Variants in EYS observed in about 807,000 individuals in gnomAD.
EYS encodes the protein EGF-like photoreceptor maintenance factor, also known as protein eyes shut homolog.
EYS carries 250 observed loss-of-function variants against 282.1 expected under a neutral mutation model. The observed-to-expected ratio is 0.89, with a 90% CI of 0.80 to 0.98. EYS has a LOEUF of 0.98. EYS is among the 50% of genes least tolerant of loss of function. The pLI, the probability that EYS is intolerant of heterozygous loss-of-function variation, is 0.00. For missense variants in EYS, 4,016 were observed against 3,709.0 expected, an observed-to-expected ratio of 1.08 and a Z score of -2.15; for synonymous variants, 1,355 against 1,282.9, an observed-to-expected ratio of 1.06 and a Z score of -1.20.
intron 28 of EYS, among the ~76,000 whole-genome samples, chr6:64,419,653 A>C (rs1436102974): frequency 6.6e-6 from 1 of 152,214 alleles, no homozygotes; most frequent in Non-Finnish European, 1.5e-5. Context: ...AAAATCCAAC[A>C]GGGCAGTCAT....
chr6:64,943,123 C>T (rs1769154300), intron 15 of EYS, among the ~76,000 whole-genome samples: 1 of 152,118 alleles, frequency 6.6e-6, no homozygotes, highest in Non-Finnish European at 1.5e-5. Flanking sequence ...ATGATGATCC[C>T]AATAGAAGTG....
chr6:65,395,167 G>A (rs1259885577), intron 7 of EYS, among the ~76,000 whole-genome samples: 1 of 152,150 alleles, frequency 6.6e-6, no homozygotes, highest in African/African-American at 2.4e-5. Flanking sequence ...AGATTCTATT[G>A]ATTCTCCTGC....
intron 14 of EYS, among the ~76,000 whole-genome samples, chr6:64,989,570 CTA>C (rs1770987608): frequency 7.9e-6 from 1 of 126,708 alleles, no homozygotes; most frequent in African/African-American, 3.0e-5. Context: ...TATTTAAGAA[CTA>C]TGTAATGTAT....
chr6:63,802,703 T>C (rs1214610048), intron 37 of EYS, among the ~76,000 whole-genome samples: 1 of 152,170 alleles, frequency 6.6e-6, no homozygotes, highest in Non-Finnish European at 1.5e-5. Flanking sequence ...TATTGAAACA[T>C]CACGTTATAC....
chr6:64,234,162 A>G (rs1402992837), intron 30 of EYS, among the ~76,000 whole-genome samples: 1 of 152,230 alleles, frequency 6.6e-6, no homozygotes, highest in Non-Finnish European at 1.5e-5. Context: ...GGAAGAAAGG[A>G]TTCAAAAATC....
intron 31 of EYS, among the ~76,000 whole-genome samples, chr6:64,151,195 C>A (rs1003100670): frequency 4.7e-5 from 7 of 150,278 alleles, no homozygotes; most frequent in East Asian, 2.0e-4. Flanking sequence ...AAATACTCTG[C>A]TGCATTTAAA....
Position 65,193,484 on chromosome 6 carries a change from G to A in EYS, c.2023+102379C>T, listed in dbSNP as rs544826991. Among the ~76,000 whole-genome samples the A allele has an allele frequency of 5.3e-5, 8 of 151,842 alleles. No individual in the cohort carries two copies. In the South Asian group the frequency reaches 1.5e-3, roughly 28 times the overall value. ...AGTACAGGGCCAGAGAAAGATAAATGGAATCATGGAGTATAAGTGATGATG... is the reference window on the plus strand; with the variant it reads ...AGTACAGGGCCAGAGAAAGATAAATAGAATCATGGAGTATAAGTGATGATG... On this transcript the variant is annotated intron_variant, in intron 12 of 42. Coordinates refer to ENST00000503581, the MANE Select transcript of EYS (RefSeq NM_001142800.2).
chr6:64,360,323 T>C (rs1412928658), intron 29 of EYS, among the ~76,000 whole-genome samples: 1 of 151,690 alleles, frequency 6.6e-6, no homozygotes, highest in African/African-American at 2.4e-5. Context: ...TCTGACCTCA[T>C]GTTGTGATAT....
intron 22 of EYS, among the ~76,000 whole-genome samples, chr6:64,676,950 G>A (rs1769710176): frequency 6.6e-6 from 1 of 152,108 alleles, no homozygotes; most frequent in African/African-American, 2.4e-5. Context: ...TTTTGAGTGG[G>A]CACATAAACA....
In EYS at chr6:65,657,519, A is replaced by G. The variant is rs530529314; in HGVS notation, c.-447-17627T>C. Among the ~76,000 whole-genome samples, 15 of 152,034 alleles carry G rather than the reference A, an allele frequency of 9.9e-5. No homozygotes were observed. The East Asian group carries it at 2.7e-3, about 27-fold the overall frequency. ...AGGGAGTAACTGCAGATGTGGTAGA[A>G]ATAGCAAGAGAACTAGAAGTGGGAG... On this transcript the variant is annotated intron_variant, in intron 1 of 42. Transcript: ENST00000503581.
intron 42 of EYS, among the ~76,000 whole-genome samples, chr6:63,722,815 C>T (rs1382689922): frequency 6.6e-6 from 1 of 152,206 alleles, no homozygotes; most frequent in African/African-American, 2.4e-5. Context: ...CTATACCAAG[C>T]CATTCTAGAC....
At chr6:64,890,121 G>A (rs563838211) in intron 18 of EYS, among the ~76,000 whole-genome samples, 60 of 150,302 alleles carry the variant, frequency 4.0e-4, no homozygotes, top group African/African-American at 1.4e-3. Context: ...CTCCCATAGC[G>A]CTCCCAGGCT....
chr6:64,096,071 A>C (rs1001542813), intron 31 of EYS, among the ~76,000 whole-genome samples: 1 of 152,178 alleles, frequency 6.6e-6, no homozygotes, highest in Admixed American at 6.5e-5. Context: ...AGAATGTTGA[A>C]TATTGGCCCC....
intron 14 of EYS, among the ~76,000 whole-genome samples, chr6:64,957,321 A>G (rs1257637205): frequency 1.3e-5 from 2 of 152,222 alleles, no homozygotes; most frequent in Non-Finnish European, 2.9e-5. Context: ...AGCCAGGCAC[A>G]GAAAGACAAA....
chr6:64,794,102 T>G (rs1342046961), intron 22 of EYS, among the ~76,000 whole-genome samples: 1 of 152,172 alleles, frequency 6.6e-6, no homozygotes, highest in African/African-American at 2.4e-5. Flanking sequence ...ATATTTGTTG[T>G]TCTGTGATGT....
chr6:64,033,038 T>A (rs1210731559), intron 33 of EYS, among the ~76,000 whole-genome samples: 1 of 152,162 alleles, frequency 6.6e-6, no homozygotes, highest in African/African-American at 2.4e-5. Context: ...GACCAAACAT[T>A]GTAACAGAAG....
intron 16 of EYS, among the ~76,000 whole-genome samples, chr6:64,905,312 A>G (rs1234153412): frequency 6.6e-6 from 1 of 152,200 alleles, no homozygotes; most frequent in African/African-American, 2.4e-5. Context: ...ACTTGTTTTG[A>G]ATATATGAAG....
intron 11 of EYS, among the ~76,000 whole-genome samples, chr6:65,309,704 T>A (rs982717496): frequency 6.6e-6 from 1 of 152,172 alleles, no homozygotes; most frequent in African/African-American, 2.4e-5. Flanking sequence ...TTAATGAACA[T>A]CAGTTCCCAT....
At chr6:64,179,955 A>G (rs1166711609) in intron 31 of EYS, among the ~76,000 whole-genome samples, 3 of 152,148 alleles carry the variant, frequency 2.0e-5, no homozygotes, top group Non-Finnish European at 4.4e-5. Context: ...ATCATTTTCC[A>G]AATTGTATAC....
Sources: allele counts gnomAD v4.1 joint callset (sites outside exome capture counted in the v4.1 genomes callset), GRCh38; gene constraint gnomAD v4.1.1; transcripts MANE v1.5; gene names NCBI Gene and HGNC (gene_info 2026-07-23, HGNC 2026-07-21).